The following ATM variants were observed in gnomAD, a reference collection of about 807,000 sequenced individuals.
The protein encoded by ATM is serine-protein kinase ATM.
ATM carries 308 observed loss-of-function variants against 387.0 expected under a neutral mutation model. The ratio of observed to expected loss-of-function variants is 0.80; its 90% CI spans 0.73 to 0.87. The LOEUF (loss-of-function observed/expected upper bound fraction) is 0.87, where lower values mean the gene tolerates loss of function less well. Ranked by LOEUF, ATM falls within the 40% of genes least tolerant of loss-of-function variation. The probability of loss-of-function intolerance (pLI) is 0.00; values close to 1 mark genes in which losing one functional copy is unlikely to be tolerated. For synonymous variants in ATM, 1,156 were observed against 1,187.3 expected (o/e 0.97, Z 0.54); for missense variants, 3,312 against 3,560.9 (o/e 0.93, Z 1.78).
intron 37 of ATM, among the ~76,000 whole-genome samples, chr11:108,306,945 CA>C (rs1325338044): frequency 6.6e-6 from 1 of 152,086 alleles, no homozygotes; most frequent in African/African-American, 2.4e-5. Context: ...TAACTTAGTC[CA>C]TTTGTTTCTC....
intron 43 of ATM, 83 bp downstream of exon 43, chr11:108,317,604 C>A (rs1267085713): frequency 2.5e-6 from 2 of 790,852 alleles, no homozygotes; most frequent in African/African-American, 2.5e-5. Context: ...ATGAATATAA[C>A]AGGAGTTGTT....
rs1392613730 is a variant in ATM at position 108,294,262 on chromosome 11, A to G, written c.4777-665A>G. ...AAATTATGTTTAGGTATATTCTTCC[A>G]TACATATCTTAATTATAATTTTTAA... On this transcript the variant is annotated intron_variant, in intron 31 of 62. Coordinates refer to ENST00000675843, the MANE Select transcript of ATM (RefSeq NM_000051.4). Among the ~76,000 whole-genome samples the G allele has an allele frequency of 2.0e-5, 3 of 152,210 alleles. No homozygotes were observed. The East Asian group carries it at 5.8e-4, about 29-fold the overall frequency.
rs144493885 is a variant in ATM, at chr11:108,331,710, C to T, written c.7629+153C>T. 5.8e-5 allele frequency: 76 copies of T among 1,306,948 alleles called. No homozygotes were observed. The East Asian group carries it at 1.3e-3, about 23-fold the overall frequency. The allele number at this position is 1,306,948 out of a possible 1,614,324, so 81.0% of individuals were successfully genotyped here. A position where few individuals can be genotyped will look rare whatever the true frequency, so the allele number is the denominator to read the frequency against. ...ACATCACATAAGTTACTCATTTTCT[C>T]TCTCTAATTCCTCATAGGCCTCTGC... is the stretch of plus-strand genomic sequence containing the variant. On this transcript the variant is annotated intron_variant, in intron 51 of 62. Transcript: ENST00000675843.
chr11:108,302,282 TC>T (rs2083471445), intron 35 of ATM, among the ~76,000 whole-genome samples: 1 of 152,254 alleles, frequency 6.6e-6, no homozygotes, highest in East Asian at 1.9e-4. Flanking sequence ...ACTTGTTCCT[TC>T]CTTAGTCTAA....
At position 108,251,823 on chromosome 11, in the gene ATM, T is replaced by C. The variant is rs2135338183; in HGVS notation, c.1608-14T>C. The C allele has an allele frequency of 6.2e-7, 1 of 1,613,458 alleles. No individual in the cohort carries two copies. The highest frequency in any genetic ancestry group is 8.5e-7 in the Non-Finnish European group (1 of 1,179,572). ...ATAGCTTGCTTTTCACAATTGTCCT[T>C]TGTTTTGTTATAGTCCTGCAGTATG... On this transcript the variant is annotated splice_polypyrimidine_tract_variant and intron_variant, in intron 10 of 62. Transcript: ENST00000675843.
chr11:108,237,770 T>C (rs1226873659), intron 5 of ATM, among the ~76,000 whole-genome samples: 1 of 152,326 alleles, frequency 6.6e-6, no homozygotes, highest in Non-Finnish European at 1.5e-5. Context: ...TACTGATTTC[T>C]ACAAAAGATC....
intron 9 of ATM, among the ~76,000 whole-genome samples, chr11:108,249,578 T>C (rs2080028485): frequency 6.6e-6 from 1 of 152,222 alleles, no homozygotes; most frequent in Admixed American, 6.5e-5. Context: ...TATATTTAAG[T>C]AATCAAATAA....
chr11:108,263,491 T>C (rs1267761839), intron 16 of ATM, among the ~76,000 whole-genome samples: 76 of 97,478 alleles, frequency 7.8e-4, no homozygotes, highest in African/African-American at 2.7e-3. Flanking sequence ...AAGCAGTGTG[T>C]AGAGGGAAAT....
At chr11:108,270,726 C>T (rs753816856) in intron 18 of ATM, among the ~76,000 whole-genome samples, 1 of 152,024 alleles carries the variant, frequency 6.6e-6, no homozygotes, top group Non-Finnish European at 1.5e-5. Context: ...GACGGAATCT[C>T]GCTCTGTTGC....
chr11:108,312,340 C>T (rs894548374), intron 39 of ATM, 71 bp from the exon 40 acceptor site: 5 of 1,159,822 alleles, frequency 4.3e-6, no homozygotes, highest in African/African-American at 1.5e-5. Flanking sequence ...CTGTCAAAGT[C>T]TATAGTATAT....
intron 5 of ATM, among the ~76,000 whole-genome samples, chr11:108,237,542 C>A (rs2079339826): frequency 6.6e-6 from 1 of 151,968 alleles, no homozygotes; most frequent in Non-Finnish European, 1.5e-5. Flanking sequence ...TTATAATTAG[C>A]TTTTTTGTCA....
At chr11:108,307,511 G>A (rs935800012) in intron 37 of ATM, among the ~76,000 whole-genome samples, 5 of 152,086 alleles carry the variant, frequency 3.3e-5, no homozygotes, top group Non-Finnish European at 7.4e-5. Context: ...AGCTTCTGTA[G>A]CATTTTAAAC....
chr11:108,234,674 A>G (rs1057043602), intron 4 of ATM, among the ~76,000 whole-genome samples: 3 of 151,692 alleles, frequency 2.0e-5, no homozygotes, highest in Admixed American at 1.3e-4. Context: ...TTCTGTCTCT[A>G]TGAAAAATTT....
intron 22 of ATM, among the ~76,000 whole-genome samples, chr11:108,276,320 AGAG>A (rs2081947234): frequency 6.6e-6 from 1 of 152,154 alleles, no homozygotes; most frequent in Admixed American, 6.5e-5. Flanking sequence ...CCTTTAGCTC[AGAG>A]GAGTTTGTTA....
intron 5 of ATM, among the ~76,000 whole-genome samples, chr11:108,242,078 G>T (rs2079591424): frequency 1.3e-5 from 2 of 151,728 alleles, no homozygotes; most frequent in African/African-American, 4.8e-5. Context: ...GAGCCCAGGA[G>T]TCCAAATCTA....
At chr11:108,345,649 C>A in intron 57 of ATM, 94 bp from the exon 58 acceptor site, 2 of 1,029,334 alleles carry the variant, frequency 1.9e-6, no homozygotes, top group Admixed American at 2.7e-5. Context: ...ATCTTTATTG[C>A]CCCTATATCT....
intron 28 of ATM, 62 bp downstream of exon 28, chr11:108,289,165 G>A (rs2135755256): frequency 6.7e-7 from 1 of 1,492,788 alleles, no homozygotes; most frequent in Non-Finnish European, 9.1e-7. Context: ...AAAAAACTTT[G>A]TAAATACATC....
intron 4 of ATM, among the ~76,000 whole-genome samples, chr11:108,232,189 A>G (rs1419075359): frequency 6.6e-6 from 1 of 152,212 alleles, no homozygotes; most frequent in African/African-American, 2.4e-5. Context: ...TAGTTGGTGA[A>G]ATTATCAATG....
chr11:108,250,620 G>GAGT lies in ATM; in HGVS notation c.1236-79_1236-77dup, dbSNP rs1212394045. 5.0e-6 allele frequency: 7 copies of GAGT among 1,392,722 alleles called. No homozygotes were observed. In the African/African-American group the frequency reaches 7.2e-5, roughly 14 times the overall value. The allele number at this position is 1,392,722 out of a possible 1,614,324, so 86.3% of individuals were successfully genotyped here. On this transcript the variant is annotated intron_variant, in intron 9 of 62. Coordinates refer to ENST00000675843, the MANE Select transcript of ATM (RefSeq NM_000051.4). ...TGATTCTCTAATTAGGATATTGTAA[G>GAGT]AGTACCATGTCTATATATTTCCTTT...
Sources: gnomAD v4.1 joint callset for allele counts (sites outside exome capture counted in the v4.1 genomes callset) on GRCh38, gnomAD v4.1.1 for gene constraint, MANE v1.5 for transcripts, NCBI Gene and HGNC (gene_info 2026-07-23, HGNC 2026-07-21) for gene names.